CNTN5: variants seen among roughly 807,000 people sequenced by gnomAD.
CNTN5 encodes the protein contactin-5.
A neutral mutation model predicts 129.1 loss-of-function variants in CNTN5; 77 were observed. That is an observed-to-expected ratio of 0.60 (90% CI 0.50 to 0.72). The LOEUF is 0.72. CNTN5 is among the 30% of genes least tolerant of loss of function. The probability of loss-of-function intolerance (pLI) is 0.00; values close to 1 mark genes in which losing one functional copy is unlikely to be tolerated. For synonymous variants in CNTN5, 509 were observed against 465.6 expected, an observed-to-expected ratio of 1.09 and a Z score of -1.20; for missense variants, 1,478 against 1,328.8, an observed-to-expected ratio of 1.11 and a Z score of -1.75.
At chr11:99,316,203 C>T (rs566453794) in intron 1 of CNTN5, among the ~76,000 whole-genome samples, 1 of 152,208 alleles carries the variant, frequency 6.6e-6, no homozygotes, top group African/African-American at 2.4e-5. Flanking sequence ...AGTTAATTAT[C>T]GTATCCAAGA....
rs555531559 is a variant in CNTN5 at position 99,419,869 on chromosome 11, T to G, written c.-71+94385T>G. On this transcript the variant is annotated intron_variant, in intron 2 of 24. Coordinates refer to ENST00000524871, the MANE Select transcript of CNTN5 (RefSeq NM_014361.4). ...TCCCTGTAACTCAACAGAGGTCTTT[T>G]AATTAATTTCATTAATTCAAAAAAT... Among the ~76,000 whole-genome samples, 260 of 152,270 alleles carry G rather than the reference T, an allele frequency of 1.7e-3. 3 individuals carry two copies. The highest frequency in any genetic ancestry group is 6.8e-3 in the Middle Eastern group (2 of 294).
At chr11:100,110,419 G>A (rs1230525177) in intron 13 of CNTN5, among the ~76,000 whole-genome samples, 5 of 151,616 alleles carry the variant, frequency 3.3e-5, no homozygotes. Context: ...CAATAATATA[G>A]GATTGCTATT....
chr11:100,232,619 T>G (rs1949513884), intron 16 of CNTN5, among the ~76,000 whole-genome samples: 1 of 152,248 alleles, frequency 6.6e-6, no homozygotes, highest in Non-Finnish European at 1.5e-5. Context: ...TGAAACTTTG[T>G]GTAAGTCATT....
intron 2 of CNTN5, among the ~76,000 whole-genome samples, chr11:99,361,708 G>T (rs942833387): frequency 2.0e-5 from 3 of 151,712 alleles, no homozygotes; most frequent in Admixed American, 1.3e-4. Flanking sequence ...TACCTTCTAG[G>T]TTCCTCATAT....
chr11:100,070,178 AAAAG>A (rs1182559793), intron 10 of CNTN5, among the ~76,000 whole-genome samples: 2 of 151,792 alleles, frequency 1.3e-5, no homozygotes, highest in Non-Finnish European at 2.9e-5. Context: ...AAAAAAAAAA[AAAAG>A]AAGAAGAAGA....
chr11:99,317,104 G>T (rs1390072232), intron 1 of CNTN5, among the ~76,000 whole-genome samples: 2 of 152,144 alleles, frequency 1.3e-5, no homozygotes, highest in Non-Finnish European at 1.5e-5. Context: ...TTTTGTGTTG[G>T]TGTCTGAAAA....
chr11:99,163,112 G>C (rs1372633328), intron 1 of CNTN5, among the ~76,000 whole-genome samples: 1 of 152,138 alleles, frequency 6.6e-6, no homozygotes, highest in East Asian at 1.9e-4. Flanking sequence ...TGACCTCGCA[G>C]GTTGTTCAAC....
At chr11:99,733,062 A>C (rs2135109839) in intron 3 of CNTN5, among the ~76,000 whole-genome samples, 1 of 152,210 alleles carries the variant, frequency 6.6e-6, no homozygotes, top group Non-Finnish European at 1.5e-5. Context: ...GCGGTGGCTC[A>C]CGCCTGTCAT....
intron 13 of CNTN5, among the ~76,000 whole-genome samples, chr11:100,151,404 G>T (rs938145997): frequency 9.9e-5 from 15 of 152,050 alleles, no homozygotes; most frequent in Admixed American, 5.9e-4. Flanking sequence ...TGAAGGGGTA[G>T]GGGGAGACAG....
At chr11:99,770,491 CTT>C (rs1944907171) in intron 3 of CNTN5, among the ~76,000 whole-genome samples, 4 of 151,900 alleles carry the variant, frequency 2.6e-5, no homozygotes, top group African/African-American at 9.7e-5. Context: ...TCTGGAATAA[CTT>C]AGTGTCTGTA....
chr11:99,328,823 T>C (rs12271734), intron 2 of CNTN5, among the ~76,000 whole-genome samples: 7,307 of 124,896 alleles, frequency 0.059, 601 homozygotes, highest in African/African-American at 0.21. Context: ...TGAGCCAAGA[T>C]CACACCATTG....
chr11:99,803,726 T>C (rs543821151), intron 3 of CNTN5, among the ~76,000 whole-genome samples: 24 of 152,292 alleles, frequency 1.6e-4, no homozygotes, highest in Admixed American at 4.6e-4. Context: ...TTGGATTCCA[T>C]TGGAAAGGTG....
intron 9 of CNTN5, among the ~76,000 whole-genome samples, chr11:100,022,795 A>G (rs1449201194): frequency 6.6e-6 from 1 of 152,218 alleles, no homozygotes; most frequent in Non-Finnish European, 1.5e-5. Context: ...CACTGATTAA[A>G]GAATTACAGA....
intron 21 of CNTN5, among the ~76,000 whole-genome samples, chr11:100,327,390 A>G (rs1951810945): frequency 6.6e-6 from 1 of 152,124 alleles, no homozygotes; most frequent in South Asian, 2.1e-4. Flanking sequence ...TCCAGACTGC[A>G]CACAGGATGC....
At chr11:100,113,727 A>G (rs889806408) in intron 13 of CNTN5, among the ~76,000 whole-genome samples, 1 of 152,058 alleles carries the variant, frequency 6.6e-6, no homozygotes, top group Non-Finnish European at 1.5e-5. Context: ...TCCTATAGTC[A>G]ATACAATTTC....
chr11:99,393,812 G>A (rs1941387829), intron 2 of CNTN5, among the ~76,000 whole-genome samples: 1 of 151,572 alleles, frequency 6.6e-6, no homozygotes, highest in African/African-American at 2.4e-5. Context: ...AAAACAATGT[G>A]GGAAAAAAAT....
intron 1 of CNTN5, among the ~76,000 whole-genome samples, chr11:99,144,752 C>T (rs1940499): frequency 0.86 from 131,157 of 152,016 alleles, 56,988 homozygotes; most frequent in East Asian, 0.99. Flanking sequence ...TTTTTAATTT[C>T]CAGTATGTCT....
chr11:99,027,875 G>A (rs759997607), intron 1 of CNTN5, among the ~76,000 whole-genome samples: 7 of 151,710 alleles, frequency 4.6e-5, no homozygotes, highest in South Asian at 4.1e-4. Context: ...TAAAGATGGC[G>A]CGATAAGTGT....
At chr11:99,092,219 A>G (rs1218710631) in intron 1 of CNTN5, among the ~76,000 whole-genome samples, 1 of 152,142 alleles carries the variant, frequency 6.6e-6, no homozygotes. Context: ...TAACCTTTCT[A>G]ACAATTTATC....
Sources: gnomAD v4.1 joint callset for allele counts (sites outside exome capture counted in the v4.1 genomes callset) on GRCh38, gnomAD v4.1.1 for gene constraint, MANE v1.5 for transcripts, NCBI Gene and HGNC (gene_info 2026-07-23, HGNC 2026-07-21) for gene names.